IGFBP7: variants seen among roughly 807,000 people sequenced by gnomAD.
The protein encoded by IGFBP7 is insulin-like growth factor-binding protein 7.
In IGFBP7, 31 loss-of-function variants were observed where a neutral mutation model predicts 29.4. The ratio of observed to expected loss-of-function variants is 1.05; its 90% CI spans 0.79 to 1.42. The LOEUF (loss-of-function observed/expected upper bound fraction) is 1.42, where lower values mean the gene tolerates loss of function less well. IGFBP7 is among the 40% of genes most tolerant of loss of function. The pLI, the probability that IGFBP7 is intolerant of heterozygous loss-of-function variation, is 0.00. For missense variants in IGFBP7, 393 were observed against 395.5 expected, an observed-to-expected ratio of 0.99 and a Z score of 0.05; for synonymous variants, 172 against 174.9, an observed-to-expected ratio of 0.98 and a Z score of 0.13.
In IGFBP7 at chr4:57,032,426, C is replaced by T. The variant is rs764942670; in HGVS notation, c.829G>A (p.Gly277Ser). The stretch of plus-strand genomic sequence containing the variant: ...AATGGCTGTGAGATTTATTGTGTAC[C>T]TTTTTTCACTGGTATTTCATGTAAG... ...DALHEIPVKK[G>S]EGAEL is the part of the protein sequence containing the mutation. The change falls in exon 4 of 5, where the codon GGT (glycine) becomes AGT (serine). Residue 277 changes from glycine (G) to serine (S), a missense_variant and splice_region_variant. Physicochemically the swap from Gly to Ser is moderately conservative, Grantham distance 56. Coordinates refer to ENST00000295666, the MANE Select transcript of IGFBP7 (RefSeq NM_001553.3). 6 of 1,613,606 alleles carry T rather than the reference C, an allele frequency of 3.7e-6. No individual in the cohort carries two copies. The highest frequency in any genetic ancestry group is 5.1e-6 in the Non-Finnish European group (6 of 1,179,676).
At chr4:57,033,113 G>A (rs931551589) in intron 3 of IGFBP7, 82 bp downstream of exon 3, 49 of 945,070 alleles carry the variant, frequency 5.2e-5, no homozygotes, top group Non-Finnish European at 8.6e-5. Context: ...TAGGCTGGCG[G>A]TACATCAGGC....
At chr4:57,053,490 C>A (rs1560495133) in intron 1 of IGFBP7, among the ~76,000 whole-genome samples, 1 of 152,152 alleles carries the variant, frequency 6.6e-6, no homozygotes, top group Non-Finnish European at 1.5e-5. Flanking sequence ...TGAAGCAAAT[C>A]CATGAAGGAC....
chr4:57,094,402 C>T (rs1012303529), intron 1 of IGFBP7, among the ~76,000 whole-genome samples: 7 of 152,160 alleles, frequency 4.6e-5, no homozygotes, highest in African/African-American at 1.4e-4. Flanking sequence ...TTGAGGGTGG[C>T]TCCATGTGAA....
chr4:57,096,652 T>G (rs1290079534), intron 1 of IGFBP7, among the ~76,000 whole-genome samples: 5 of 152,156 alleles, frequency 3.3e-5, no homozygotes, highest in Admixed American at 1.3e-4. Flanking sequence ...CCAATTTCAC[T>G]CAAGATTGCT....
At chr4:57,070,622 A>G (rs1009119688) in intron 1 of IGFBP7, among the ~76,000 whole-genome samples, 9 of 152,254 alleles carry the variant, frequency 5.9e-5, no homozygotes, top group Admixed American at 3.3e-4. Flanking sequence ...GGCCACATTT[A>G]TAATGATGTA....
chr4:57,084,757 T>C (rs1454063018), intron 1 of IGFBP7, among the ~76,000 whole-genome samples: 1 of 151,744 alleles, frequency 6.6e-6, no homozygotes, highest in African/African-American at 2.4e-5. Flanking sequence ...TTATAAGTCA[T>C]TTAATCTTTT....
intron 1 of IGFBP7, among the ~76,000 whole-genome samples, chr4:57,072,193 T>C (rs897391624): frequency 1.3e-5 from 2 of 152,052 alleles, no homozygotes; most frequent in African/African-American, 4.8e-5. Flanking sequence ...ATATCCTTTT[T>C]TGGGTTCATG....
intron 1 of IGFBP7, among the ~76,000 whole-genome samples, chr4:57,097,591 G>A (rs76548229): frequency 5.1e-4 from 77 of 152,210 alleles, no homozygotes; most frequent in African/African-American, 1.8e-3. Flanking sequence ...ACATGGAAAC[G>A]AAACAGCATT....
chr4:57,093,027 A>T (rs1299074611), intron 1 of IGFBP7, among the ~76,000 whole-genome samples: 2 of 152,174 alleles, frequency 1.3e-5, no homozygotes, highest in African/African-American at 4.8e-5. Context: ...ACTAGAATGG[A>T]ATACAAAATA....
chr4:57,091,038 G>A (rs1380526082), intron 1 of IGFBP7, among the ~76,000 whole-genome samples: 7 of 152,138 alleles, frequency 4.6e-5, no homozygotes. Flanking sequence ...AGGAACCTGG[G>A]GGATAATTTT....
At chr4:57,032,221 G>A in intron 4 of IGFBP7, 1 of 1,356,388 alleles carries the variant, frequency 7.4e-7, no homozygotes, top group Non-Finnish European at 9.6e-7. Flanking sequence ...AAGCATCTAA[G>A]TCATAATAAC....
intron 1 of IGFBP7, among the ~76,000 whole-genome samples, chr4:57,088,254 G>A (rs1391063434): frequency 6.6e-6 from 1 of 152,174 alleles, no homozygotes; most frequent in South Asian, 2.1e-4. Flanking sequence ...GGGATTAGAG[G>A]TGTGAGCCAC....
chr4:57,032,329 C>T, intron 4 of IGFBP7, 97 bp downstream of exon 4: 1 of 1,519,108 alleles, frequency 6.6e-7, no homozygotes, highest in Non-Finnish European at 8.8e-7. Flanking sequence ...TACAGAATTT[C>T]ATCAATAGCT....
Position 57,030,969 on chromosome 4 carries a change from C to A in IGFBP7, c.*348G>T. 6.3e-7 allele frequency: 1 copy of A among 1,588,520 alleles called. No homozygotes were observed. Among genetic ancestry groups the A allele is most frequent in the Non-Finnish European group, 8.6e-7 (1 of 1,156,850 alleles). On this transcript the variant is annotated 3_prime_UTR_variant, in exon 5 of 5. Coordinates refer to ENST00000295666, the MANE Select transcript of IGFBP7 (RefSeq NM_001553.3). ...GAACTTATGTCTATGAGTATTGCAC[C>A]GCGAATGATGAGTGTTTAGCTATTT...
chr4:57,040,891 G>A lies in IGFBP7; in HGVS notation c.518C>T (p.Thr173Ile). 3.1e-6 allele frequency: 5 copies of A among 1,614,178 alleles called. No homozygotes were observed. The highest frequency in any genetic ancestry group is 1.3e-5 in the African/African-American group (1 of 75,068). Residue 173 changes from threonine to isoleucine, a missense_variant, in exon 2 of 5, where the codon ACT becomes ATT. Coordinates refer to ENST00000295666, the MANE Select transcript of IGFBP7 (RefSeq NM_001553.3). The part of the protein sequence containing the change: ...VTPPKDIWNV[T>I]GAQVYLSCEV... ...ACAGCTCAAGTACACCTGGGCACCA[G>A]TGACATTCCAGATGTCCTTGGGGGG...
intron 1 of IGFBP7, among the ~76,000 whole-genome samples, chr4:57,044,314 T>C (rs1724307410): frequency 6.6e-6 from 1 of 152,214 alleles, no homozygotes; most frequent in East Asian, 1.9e-4. Context: ...AGACATGCTA[T>C]GGATTTTTCC....
chr4:57,110,169 A>T lies in IGFBP7; in HGVS notation c.183T>A (p.Pro61=). The T allele has an allele frequency of 7.0e-7, 1 of 1,425,830 alleles. No individual in the cohort carries two copies. Among genetic ancestry groups the T allele is most frequent in the Non-Finnish European group, 9.1e-7 (1 of 1,100,120 alleles). The allele number at this position is 1,425,830 out of a possible 1,614,324, so 88.3% of individuals were successfully genotyped here. A position where few individuals can be genotyped will look rare whatever the true frequency, so the allele number is the denominator to read the frequency against. Residue 61 remains proline (P), a synonymous_variant, in exon 1 of 5, where the codon CCT becomes CCA. Transcript: ENST00000295666. ...GCTCGCCCTCGCCGCGGGCGCACAT[A>T]GGGCAGCAGCCGCACGCGTCGCGGG... ...GETRDACGCC[P]MCARGEGEPC... is the part of the protein sequence containing the mutation.
chr4:57,074,535 C>T (rs1370873239), intron 1 of IGFBP7, among the ~76,000 whole-genome samples: 1 of 152,210 alleles, frequency 6.6e-6, no homozygotes, highest in South Asian at 2.1e-4. Context: ...TCACATGAGA[C>T]ACAAAAGAGT....
chr4:57,090,928 A>C (rs143358456), intron 1 of IGFBP7, among the ~76,000 whole-genome samples: 164 of 152,336 alleles, frequency 1.1e-3, no homozygotes, highest in Non-Finnish European at 2.0e-3. Context: ...TTTTCACAGA[A>C]AATGAAATTA....
Sources: allele counts gnomAD v4.1 joint callset (sites outside exome capture counted in the v4.1 genomes callset), GRCh38; gene constraint gnomAD v4.1.1; transcripts MANE v1.5; gene names NCBI Gene and HGNC (gene_info 2026-07-23, HGNC 2026-07-21).